The following ODF2L variants were observed in gnomAD, a reference collection of about 807,000 sequenced individuals.
ODF2L encodes the protein protein BCAP.
ODF2L carries 76 observed loss-of-function variants against 86.3 expected under a neutral mutation model. That is an observed-to-expected ratio of 0.88 (90% CI 0.73 to 1.07). The LOEUF is 1.07. Among genes scored for constraint, ODF2L ranks in the 50% least tolerant of loss-of-function variants. The pLI is 0.00. For missense variants in ODF2L, 748 were observed against 717.4 expected (o/e 1.04, Z -0.49); for synonymous variants, 241 against 231.3 (o/e 1.04, Z -0.38).
intron 9 of ODF2L, among the ~76,000 whole-genome samples, chr1:86,371,690 T>C (rs1310453849): frequency 6.6e-6 from 1 of 152,206 alleles, no homozygotes; most frequent in African/African-American, 2.4e-5. Context: ...TTTTTCATTT[T>C]CTTTGTTATG....
intron 5 of ODF2L, 64 bp downstream of exon 5, chr1:86,383,070 C>A: frequency 7.7e-7 from 1 of 1,298,984 alleles, no homozygotes; most frequent in Non-Finnish European, 1.1e-6. Context: ...CTTTATAAAA[C>A]CAAGCAGCAT....
intron 10 of ODF2L, among the ~76,000 whole-genome samples, chr1:86,369,721 AAGAC>A (rs1659666751): frequency 6.6e-6 from 1 of 152,168 alleles, no homozygotes; most frequent in Non-Finnish European, 1.5e-5. Context: ...ATCTCCCACA[AAGAC>A]AGATCAGTAC....
At chr1:86,386,839 AATAATTT>A (rs1660987864) in intron 2 of ODF2L, 69 bp downstream of exon 2, 1 of 718,450 alleles carries the variant, frequency 1.4e-6, no homozygotes, top group Non-Finnish European at 2.4e-6. Context: ...ATTTGATTCA[AATAATTT>A]ATATTATAGA....
At chr1:86,394,852 T>G (rs1452204656) in intron 1 of ODF2L, among the ~76,000 whole-genome samples, 1 of 148,386 alleles carries the variant, frequency 6.7e-6, no homozygotes, top group African/African-American at 2.5e-5. Context: ...TTTTTTTTTT[T>G]TTTTTTGAGA....
intron 9 of ODF2L, among the ~76,000 whole-genome samples, chr1:86,371,796 G>A (rs570102502): frequency 6.6e-6 from 1 of 152,178 alleles, no homozygotes; most frequent in South Asian, 2.1e-4. Flanking sequence ...GTTTAAAAGA[G>A]AAACATCACC....
downstream of ODF2L, chr1:86,349,000 A>C: frequency 7.5e-6 from 8 of 1,061,866 alleles, no homozygotes; most frequent in Non-Finnish European, 1.0e-5. Flanking sequence ...TTTTAAAATA[A>C]TACTCACATC....
intron 16 of ODF2L, among the ~76,000 whole-genome samples, chr1:86,353,603 A>AGC (rs1658310816): frequency 6.6e-6 from 1 of 152,214 alleles, no homozygotes; most frequent in African/African-American, 2.4e-5. Context: ...GGTTGGAGCC[A>AGC]CAAGAATGAG....
exon 18 of ODF2L, chr1:86,350,428 T>C (rs1013819316): frequency 3.3e-5 from 5 of 152,236 alleles, no homozygotes; most frequent in East Asian, 1.9e-4. Context: ...GCAAAGGACA[T>C]GAACTCATCC....
chr1:86,357,961 G>A (rs754791711), intron 13 of ODF2L: 30 of 985,328 alleles, frequency 3.0e-5, no homozygotes, highest in Non-Finnish European at 3.3e-5. Flanking sequence ...TTTATTCGCT[G>A]GCCTGCTAAA....
intron 7 of ODF2L, among the ~76,000 whole-genome samples, chr1:86,378,593 C>T (rs1487594287): frequency 6.6e-6 from 1 of 152,136 alleles, no homozygotes; most frequent in East Asian, 1.9e-4. Flanking sequence ...GCTAGGGAGG[C>T]CTCAGGAAAC....
intron 7 of ODF2L, among the ~76,000 whole-genome samples, chr1:86,380,355 T>G (rs544060342): frequency 6.6e-6 from 1 of 152,176 alleles, no homozygotes; most frequent in South Asian, 2.1e-4. Context: ...AAAAACAAAA[T>G]CCCATAAAAC....
chr1:86,378,416 C>T (rs1026410558), intron 7 of ODF2L, among the ~76,000 whole-genome samples: 1 of 152,220 alleles, frequency 6.6e-6, no homozygotes, highest in Non-Finnish European at 1.5e-5. Context: ...CTGCCCATTA[C>T]TTAGTTCCAA....
intron 1 of ODF2L, among the ~76,000 whole-genome samples, chr1:86,391,195 CAAACAA>C: frequency 6.6e-6 from 1 of 152,148 alleles, no homozygotes; most frequent in Non-Finnish European, 1.5e-5. Context: ...ATAGATAACA[CAAACAA>C]ATGGAACACA....
Position 86,379,312 on chromosome 1 carries a change from C to A in ODF2L, c.625-2894G>T, listed in dbSNP as rs533093125. On this transcript the variant is annotated intron_variant, in intron 7 of 17. Transcript: ENST00000317336. ...ATTGGGGACCAATGCTTCTCTATAA[C>A]CTGTTAAAGGATGCAAATTTAAAAC... 1.8e-4 allele frequency among the ~76,000 whole-genome samples: 27 copies of A among 152,262 alleles called. No individual in the cohort carries two copies. The South Asian group carries it at 5.6e-3, about 32-fold the overall frequency.
At chr1:86,354,979 T>A (rs913447280) in intron 14 of ODF2L, 120 bp from the exon 14 acceptor site, 2 of 603,316 alleles carry the variant, frequency 3.3e-6, no homozygotes, top group African/African-American at 3.7e-5. Context: ...TTACTACTCT[T>A]ACACAGAAAG....
At chr1:86,354,485 T>G (rs1169689974) in intron 16 of ODF2L, 45 bp downstream of exon 15, 1 of 1,291,444 alleles carries the variant, frequency 7.7e-7, no homozygotes, top group Non-Finnish European at 1.1e-6. Context: ...AAGATGACTC[T>G]TTGGTAAATG....
intron 7 of ODF2L, among the ~76,000 whole-genome samples, chr1:86,380,771 A>C (rs272515): frequency 0.69 from 105,129 of 151,930 alleles, 36,750 homozygotes; most frequent in East Asian, 0.83. Flanking sequence ...TCTGAAAATA[A>C]GAAAACGTTC....
chr1:86,357,350 ATT>A (rs200376282), intron 13 of ODF2L, among the ~76,000 whole-genome samples: 6 of 143,960 alleles, frequency 4.2e-5, no homozygotes, highest in Admixed American at 7.0e-5. Flanking sequence ...ATAATGCAGT[ATT>A]TTTTTTTTTT....
intron 1 of ODF2L, among the ~76,000 whole-genome samples, chr1:86,392,278 T>C (rs1040072136): frequency 6.6e-6 from 1 of 152,110 alleles, no homozygotes; most frequent in African/African-American, 2.4e-5. Flanking sequence ...AGTGTGGAGA[T>C]TCCTTAAAGA....
Sources: gnomAD v4.1 joint callset for allele counts (sites outside exome capture counted in the v4.1 genomes callset) on GRCh38, gnomAD v4.1.1 for gene constraint, MANE v1.5 for transcripts, NCBI Gene and HGNC (gene_info 2026-07-23, HGNC 2026-07-21) for gene names.